DPP3: variants seen among roughly 807,000 people sequenced by gnomAD.
DPP3 encodes DPP III.
DPP3 carries 64 observed loss-of-function variants against 89.8 expected under a neutral mutation model. The observed-to-expected ratio is 0.71, with a 90% CI of 0.58 to 0.88. The LOEUF (loss-of-function observed/expected upper bound fraction) is 0.88. Among genes scored for constraint, DPP3 ranks in the 40% least tolerant of loss-of-function variants. The probability of loss-of-function intolerance (pLI) is 0.00; values close to 1 mark genes in which losing one functional copy is unlikely to be tolerated. For missense variants in DPP3, 835 were observed against 972.5 expected, an observed-to-expected ratio of 0.86 and a Z score of 1.88; for synonymous variants, 377 against 404.3, an observed-to-expected ratio of 0.93 and a Z score of 0.81.
chr11:66,495,654 T>G lies in DPP3; in HGVS notation c.1602T>G (p.Asp534Glu). 1 of 1,614,142 alleles carries G rather than the reference T, an allele frequency of 6.2e-7. No homozygotes were observed. The highest frequency in any genetic ancestry group is 2.2e-5 in the East Asian group (1 of 44,870). Reference sequence around the variant, plus strand: ...GGATCTTTGGCTTTGAGGGGGCTGATGCGGAGGACGTGATCTACGTGAACT... The same window carrying G: ...GGATCTTTGGCTTTGAGGGGGCTGAGGCGGAGGACGTGATCTACGTGAACT... ...VLEIFGFEGA[D>E]AEDVIYVNWL... The change falls in exon 15 of 18, where the codon GAT (aspartate) becomes GAG (glutamate). Residue 534 changes from aspartate (D) to glutamate (E), a missense_variant. Asp to Glu is a conservative substitution (Grantham distance 45, BLOSUM62 2). Transcript: ENST00000531863.
intron 12 of DPP3, 28 bp downstream of exon 12, chr11:66,493,661 C>T (rs1295357815): frequency 1.9e-6 from 3 of 1,582,046 alleles, no homozygotes; most frequent in Non-Finnish European, 2.6e-6. Flanking sequence ...AGCCCTGGCA[C>T]CCCAGCCTAC....
intron 15 of DPP3, 40 bp from the exon 16 acceptor site, chr11:66,497,258 G>C (rs1258880571): frequency 6.3e-7 from 1 of 1,596,630 alleles, no homozygotes; most frequent in South Asian, 1.1e-5. Context: ...CCAAGCACTT[G>C]ATACGGGCTA....
chr11:66,504,690 G>C lies in DPP3; in HGVS notation c.1957G>C (p.Glu653Gln). The C allele has an allele frequency of 1.2e-6, 2 of 1,613,294 alleles. No individual in the cohort carries two copies. The highest frequency in any genetic ancestry group is 1.7e-6 in the Non-Finnish European group (2 of 1,179,860). ...TGCAACAGTCACTGATGCGCCCCCC[G>C]AGTGCTTCCTCACCCTCAGGGACAC... Reference protein sequence around the residue: ...GYATVTDAPPECFLTLRDTVL... With the variant: ...GYATVTDAPPQCFLTLRDTVL... The change falls in exon 17 of 18, where the codon GAG (glutamate) becomes CAG (glutamine). Residue 653 changes from glutamate to glutamine, a missense_variant. Physicochemically the swap from Glu to Gln is conservative, Grantham distance 29. Transcript: ENST00000531863.
In DPP3 at chr11:66,495,291, C is replaced by T. The variant is rs745496894; in HGVS notation, c.1452+23C>T. ...CAGGTGAGGGAGGCCTCAGCAGAGC[C>T]CCAGGGTACTGGGAGGGTGGGCACA... On this transcript the variant is annotated intron_variant, in intron 13 of 17. Coordinates refer to ENST00000531863, the MANE Select transcript of DPP3 (RefSeq NM_130443.4). 2.5e-6 allele frequency: 4 copies of T among 1,613,608 alleles called. No individual in the cohort carries two copies. The Admixed American group carries it at 5.0e-5, about 20-fold the overall frequency.
intron 15 of DPP3, among the ~76,000 whole-genome samples, chr11:66,497,085 T>G (rs934595926): frequency 2.0e-5 from 3 of 152,094 alleles, no homozygotes; most frequent in African/African-American, 7.2e-5. Context: ...CAGCCTGCCC[T>G]CTCTGTGAGA....
intron 3 of DPP3, 147 bp from the exon 4 acceptor site, chr11:66,486,393 C>T (rs1451813393): frequency 9.8e-7 from 1 of 1,022,694 alleles, no homozygotes; most frequent in African/African-American, 1.7e-5. Flanking sequence ...TGACATTTCT[C>T]AGGACCTACA....
intron 9 of DPP3, 24 bp from the exon 10 acceptor site, chr11:66,492,692 C>A: frequency 6.5e-7 from 1 of 1,546,276 alleles, no homozygotes; most frequent in Non-Finnish European, 8.7e-7. Flanking sequence ...CCTGCCAAGC[C>A]ACAACCCCCT....
At chr11:66,494,993 G>C (rs1315869081) in intron 12 of DPP3, among the ~76,000 whole-genome samples, 1 of 152,166 alleles carries the variant, frequency 6.6e-6, no homozygotes, top group East Asian at 1.9e-4. Context: ...GGCAGCTCAG[G>C]TTCTCAGGCT....
intron 17 of DPP3, among the ~76,000 whole-genome samples, chr11:66,506,575 C>T (rs972565619): frequency 6.6e-6 from 1 of 151,964 alleles, no homozygotes; most frequent in Non-Finnish European, 1.5e-5. Flanking sequence ...TTTATTAAGA[C>T]GCTCATTCTA....
At chr11:66,497,946 T>C (rs1855582804) in intron 16 of DPP3, among the ~76,000 whole-genome samples, 1 of 152,056 alleles carries the variant, frequency 6.6e-6, no homozygotes. Flanking sequence ...TTTGTTTATT[T>C]ATTTATTAGA....
chr11:66,491,220 C>T (rs900677666), intron 6 of DPP3, 33 bp from the exon 7 acceptor site: 1 of 1,611,522 alleles, frequency 6.2e-7, no homozygotes, highest in South Asian at 1.1e-5. Flanking sequence ...CTTACTCCAG[C>T]CTTTTCTCTT....
intron 16 of DPP3, among the ~76,000 whole-genome samples, chr11:66,498,885 C>T (rs1271379082): frequency 1.3e-5 from 2 of 152,100 alleles, no homozygotes; most frequent in Admixed American, 6.6e-5. Context: ...TGGTGATGCA[C>T]GCCTGTGGTC....
In DPP3 at chr11:66,497,292, C is replaced by T. The variant is rs780648969; in HGVS notation, c.1699-6C>T. On this transcript the variant is annotated splice_region_variant and splice_polypyrimidine_tract_variant and intron_variant, in intron 15 of 17. Coordinates refer to ENST00000531863, the MANE Select transcript of DPP3 (RefSeq NM_130443.4). ...TACAAATGCTGTCTTTCCCCTGCTC[C>T]GGCAGGCCCATATGCAGGCCCGGTT... 15 of 1,612,434 alleles carry T rather than the reference C, an allele frequency of 9.3e-6. No individual in the cohort carries two copies. The highest frequency in any genetic ancestry group is 5.5e-5 in the South Asian group (5 of 90,956).
rs1855111108 is a variant in DPP3, at chr11:66,482,371, C to T, written c.171C>T (p.Pro57=). The change falls in exon 2 of 18, where the codon CCC becomes CCT. Residue 57 remains proline, a synonymous_variant. Coordinates refer to ENST00000531863, the MANE Select transcript of DPP3 (RefSeq NM_130443.4). The part of the protein sequence containing the change: ...AVLLQTSPEA[P]YIYALLSRLF... ...TGCTTCAGACCTCCCCTGAGGCCCCCTACATCTATGCTCTGCTCAGCCGCC... is the reference window on the plus strand; with the variant it reads ...TGCTTCAGACCTCCCCTGAGGCCCCTTACATCTATGCTCTGCTCAGCCGCC... 1 of 1,612,658 alleles carries T rather than the reference C, an allele frequency of 6.2e-7. No individual in the cohort carries two copies. Among genetic ancestry groups the T allele is most frequent in the Non-Finnish European group, 8.5e-7 (1 of 1,180,026 alleles).
At position 66,486,944 on chromosome 11, in the gene DPP3, G is replaced by A. The variant is rs34011505; in HGVS notation, c.498+267G>A. On this transcript the variant is annotated intron_variant, in intron 4 of 17. Transcript: ENST00000531863. ...TGGAGGGAAGGAGAGGAAGGCTGGA[G>A]GTGGAGGGAGCTGAGGAGGGGATGG... Among the ~76,000 whole-genome samples the A allele has an allele frequency of 8.9e-3, 1,351 of 152,268 alleles. 22 individuals carry two copies. The highest frequency in any genetic ancestry group is 0.03 in the African/African-American group (1,257 of 41,544).
intron 16 of DPP3, among the ~76,000 whole-genome samples, chr11:66,502,769 T>G (rs923251097): frequency 2.0e-5 from 3 of 152,002 alleles, no homozygotes; most frequent in Non-Finnish European, 4.4e-5. Context: ...CAACCAAATT[T>G]TTTGTATTTT....
At position 66,482,458 on chromosome 11, in the gene DPP3, G is replaced by A; in HGVS notation, c.258G>A (p.Glu86=). 6.2e-7 allele frequency: 1 copy of A among 1,605,426 alleles called. No homozygotes were observed. Among genetic ancestry groups the A allele is most frequent in the Non-Finnish European group, 8.5e-7 (1 of 1,179,880 alleles). Residue 86 remains glutamate (E), a synonymous_variant, in exon 2 of 18, where the codon GAG becomes GAA. Coordinates refer to ENST00000531863, the MANE Select transcript of DPP3 (RefSeq NM_130443.4). The stretch of plus-strand genomic sequence containing the variant: ...ATGCCCTGGCTGAAGGCCTTACCGA[G>A]GAGGAGTATCAGGTCAGTTCTCTTG... ...RQHALAEGLT[E]EEYQAFLVYA...
rs1026322516 is a variant in DPP3, at chr11:66,495,829, A to G, written c.1698+79A>G. The G allele has an allele frequency of 6.7e-5, 103 of 1,540,958 alleles. 1 individual carries two copies. The African/African-American group carries it at 1.4e-3, about 20-fold the overall frequency. On this transcript the variant is annotated intron_variant, in intron 15 of 17. Transcript: ENST00000531863. ...AAGATCAGGGTGCAAGGATGGGACC[A>G]CTGTACCTTTAAGGCAGATGAACTG...
rs759793839 is a variant in DPP3 at position 66,495,488 on chromosome 11, G to A, written c.1576G>A (p.Glu526Lys). The A allele has an allele frequency of 1.2e-6, 2 of 1,611,378 alleles. No homozygotes were observed. Among genetic ancestry groups the A allele is most frequent in the South Asian group, 2.2e-5 (2 of 90,846 alleles). ...CCTCTGTCTCCACCCGCAAGTGCTG[G>A]AGTAAGAGCAGCAGGGCCGAGGGGC... is the stretch of plus-strand genomic sequence containing the variant. Reference protein sequence around the residue: ...LYLCLHPQVLEIFGFEGADAE... With the variant: ...LYLCLHPQVLKIFGFEGADAE... Residue 526 changes from glutamate to lysine, a missense_variant and splice_region_variant, in exon 14 of 18, where the codon GAG (glutamate) becomes AAG (lysine). Transcript: ENST00000531863.
Sources: gnomAD v4.1 joint callset for allele counts (sites outside exome capture counted in the v4.1 genomes callset) on GRCh38, gnomAD v4.1.1 for gene constraint, MANE v1.5 for transcripts, NCBI Gene and HGNC (gene_info 2026-07-23, HGNC 2026-07-21) for gene names.